C18orf54: variants seen among roughly 807,000 people sequenced by gnomAD.
C18orf54 encodes the protein chromosome 18 open reading frame 54.
Under a neutral mutation model 49.3 loss-of-function variants are expected in C18orf54, and 49 were observed. That is an observed-to-expected ratio of 0.99 (90% confidence interval 0.79 to 1.26). The LOEUF (loss-of-function observed/expected upper bound fraction) is 1.26, where lower values mean the gene tolerates loss of function less well. Among genes scored for constraint, C18orf54 ranks in the 50% most tolerant of loss-of-function variants. The probability of loss-of-function intolerance (pLI) is 0.00; values close to 1 mark genes in which losing one functional copy is unlikely to be tolerated. For missense variants in C18orf54, 687 were observed against 620.6 expected, an observed-to-expected ratio of 1.11 and a Z score of -1.14; for synonymous variants, 211 against 216.6, an observed-to-expected ratio of 0.97 and a Z score of 0.23.
rs1387173205 is a variant in C18orf54 at position 54,379,011 on chromosome 18, G to GAA, written c.*768_*769dup. The GAA allele has an allele frequency of 6.6e-6, 1 of 151,966 alleles. No homozygotes were observed. The allele number at this position is 151,966 out of a possible 1,614,324, so 9.4% of individuals were successfully genotyped here. ...AATTTTGGGGTTGGCTCAAACTAGTGAAAACTATGACTCAATGGCCAATTG... is the reference window on the plus strand; with the variant it reads ...AATTTTGGGGTTGGCTCAAACTAGTGAAAAAACTATGACTCAATGGCCAATTG... On this transcript the variant is annotated 3_prime_UTR_variant, in exon 9 of 9. Transcript: ENST00000620105.
intron 8 of C18orf54, among the ~76,000 whole-genome samples, chr18:54,377,915 C>T (rs1393375542): frequency 6.6e-6 from 1 of 151,988 alleles, no homozygotes; most frequent in Non-Finnish European, 1.5e-5. Flanking sequence ...GGGCACTTGG[C>T]AGACTATCTT....
chr18:54,369,992 AATAAAC>A (rs2089457375), intron 6 of C18orf54, among the ~76,000 whole-genome samples: 1 of 152,126 alleles, frequency 6.6e-6, no homozygotes, highest in Admixed American at 6.6e-5. Flanking sequence ...GGAGAAGAAT[AATAAAC>A]ATAACAATAC....
intron 8 of C18orf54, among the ~76,000 whole-genome samples, chr18:54,377,941 CA>C (rs1215257191): frequency 9.2e-5 from 14 of 152,034 alleles, no homozygotes; most frequent in Admixed American, 9.2e-4. Flanking sequence ...AAGTTAATGT[CA>C]AAAAATATAA....
Position 54,378,253 on chromosome 18 carries a change from A to G in C18orf54, c.*7A>G. 1.9e-6 allele frequency: 3 copies of G among 1,611,040 alleles called. No individual in the cohort carries two copies. In the African/African-American group the frequency reaches 4.0e-5, roughly 21 times the overall value. On this transcript the variant is annotated 3_prime_UTR_variant, in exon 9 of 9. Transcript: ENST00000620105. ...ACGGTCACCGAAAATGTGAAGAGGA[A>G]AATGAAACTGTCACCACAATGAATA...
intron 4 of C18orf54, 124 bp downstream of exon 4, chr18:54,362,555 G>T: frequency 1.1e-6 from 1 of 928,788 alleles, no homozygotes; most frequent in East Asian, 2.7e-5. Context: ...ACATCTTTTT[G>T]GAATGCTTAT....
At position 54,358,813 on chromosome 18, in the gene C18orf54, C is replaced by G. The variant is rs1267492748; in HGVS notation, c.-104C>G. On this transcript the variant is annotated 5_prime_UTR_variant, in exon 2 of 9. Transcript: ENST00000620105. Reference sequence around the variant, plus strand: ...TTGTCAATAAGTTTAACATTCTGTTCTTCCGCGTGATGGATTTTCTTTTGG... The same window carrying G: ...TTGTCAATAAGTTTAACATTCTGTTGTTCCGCGTGATGGATTTTCTTTTGG... 1 of 152,232 alleles carries G rather than the reference C, an allele frequency of 6.6e-6. No homozygotes were observed. The highest frequency in any genetic ancestry group is 1.5e-5 in the Non-Finnish European group (1 of 68,054). 9.4% of individuals were successfully genotyped at this position (152,232 alleles called of 1,614,324 possible).
intron 7 of C18orf54, among the ~76,000 whole-genome samples, chr18:54,373,139 A>G (rs1664300421): frequency 6.6e-6 from 1 of 151,748 alleles, no homozygotes; most frequent in South Asian, 2.1e-4. Context: ...CTGCCATTCT[A>G]TATGATGAAT....
At chr18:54,367,537 G>A (rs1278253399) in intron 6 of C18orf54, among the ~76,000 whole-genome samples, 2 of 29,372 alleles carry the variant, frequency 6.8e-5, no homozygotes, top group African/African-American at 4.5e-4. Flanking sequence ...CCCTTTGAAT[G>A]TATCATCCAT....
intron 7 of C18orf54, 61 bp downstream of exon 7, chr18:54,372,658 C>T (rs2089509416): frequency 6.9e-7 from 1 of 1,448,348 alleles, no homozygotes; most frequent in South Asian, 1.4e-5. Context: ...TTTTTTTCTA[C>T]ATCTTTTAAT....
Position 54,378,465 on chromosome 18 carries a change from C to G in C18orf54, c.*219C>G, listed in dbSNP as rs1036168130. ...TACTAGAATGTGAACTGCAAGGACC[C>G]ACAATATATCCTGAAGTCTTACTTT... On this transcript the variant is annotated 3_prime_UTR_variant, in exon 9 of 9. Transcript: ENST00000620105. 3 of 396,236 alleles carry G rather than the reference C, an allele frequency of 7.6e-6. No homozygotes were observed. Among genetic ancestry groups the G allele is most frequent in the Non-Finnish European group, 1.4e-5 (3 of 221,434 alleles). The allele number at this position is 396,236 out of a possible 1,614,324, so 24.5% of individuals were successfully genotyped here. A position where few individuals can be genotyped will look rare whatever the true frequency, so the allele number is the denominator to read the frequency against.
intron 7 of C18orf54, among the ~76,000 whole-genome samples, chr18:54,373,469 TG>T (rs2144749686): frequency 6.6e-6 from 1 of 151,974 alleles, no homozygotes; most frequent in Admixed American, 6.5e-5. Context: ...TTAGTCACCA[TG>T]TTGTACAATA....
chr18:54,379,068 T>C lies in C18orf54; in HGVS notation c.*822T>C, dbSNP rs894082016. 1.3e-5 allele frequency: 2 copies of C among 152,110 alleles called. No individual in the cohort carries two copies. The highest frequency in any genetic ancestry group is 4.8e-5 in the African/African-American group (2 of 41,448). The allele number at this position is 152,110 out of a possible 1,614,324, so 9.4% of individuals were successfully genotyped here. ...CAAATTTGATAACTAAAACTTAAAA[T>C]GAATATGGAAAATCAGAAAGCAACT... On this transcript the variant is annotated 3_prime_UTR_variant, in exon 9 of 9. Coordinates refer to ENST00000620105, the MANE Select transcript of C18orf54 (RefSeq NM_001288980.2).
At chr18:54,360,503 T>TA in intron 2 of C18orf54, 24 bp from the exon 3 acceptor site, 1 of 1,507,036 alleles carries the variant, frequency 6.6e-7, no homozygotes, top group African/African-American at 1.4e-5. Flanking sequence ...ATTGGCATCT[T>TA]AACATTTCGT....
intron 6 of C18orf54, among the ~76,000 whole-genome samples, chr18:54,370,093 G>A (rs1316663703): frequency 6.6e-6 from 1 of 151,940 alleles, no homozygotes; most frequent in African/African-American, 2.4e-5. Context: ...TGGCTAACAC[G>A]GTGAAACCCT....
chr18:54,365,758 A>G lies in C18orf54; in HGVS notation c.1263A>G (p.Gln421=), dbSNP rs894058111. The G allele has an allele frequency of 1.9e-6, 3 of 1,601,368 alleles. No individual in the cohort carries two copies. Among genetic ancestry groups the G allele is most frequent in the South Asian group, 1.1e-5 (1 of 88,914 alleles). Residue 421 remains glutamine (Q), a synonymous_variant, in exon 6 of 9, where the codon CAA becomes CAG. Coordinates refer to ENST00000620105, the MANE Select transcript of C18orf54 (RefSeq NM_001288980.2). The part of the protein sequence containing the change: ...PVPVNSDDSP[Q]QTSRAKSAKG... Reference sequence around the variant, plus strand: ...CCGTTAACTCTGATGATAGTCCTCAACAAACTTCAAGGGCAAAGAGTGCTA... The same window carrying G: ...CCGTTAACTCTGATGATAGTCCTCAGCAAACTTCAAGGGCAAAGAGTGCTA...
At chr18:54,371,647 T>G (rs2089488060) in intron 6 of C18orf54, among the ~76,000 whole-genome samples, 1 of 152,166 alleles carries the variant, frequency 6.6e-6, no homozygotes, top group Non-Finnish European at 1.5e-5. Context: ...GAAGTGTCTT[T>G]AAAATCTTTT....
chr18:54,363,492 A>G lies in C18orf54; in HGVS notation c.1223+571A>G, dbSNP rs541082723. ...ACCACCATGCCCAGCTAATTTTTGT[A>G]TTTTTAGTAGAGACGGGGTTTCACC... On this transcript the variant is annotated intron_variant, in intron 5 of 8. Transcript: ENST00000620105. Among the ~76,000 whole-genome samples, 3 of 151,804 alleles carry G rather than the reference A, an allele frequency of 2.0e-5. No individual in the cohort carries two copies. The East Asian group carries it at 5.8e-4, about 29-fold the overall frequency.
chr18:54,369,273 C>G (rs1261705626), intron 6 of C18orf54, among the ~76,000 whole-genome samples: 1 of 152,024 alleles, frequency 6.6e-6, no homozygotes, highest in African/African-American at 2.4e-5. Context: ...TGATTCCAGT[C>G]TAATACTGCA....
At chr18:54,360,463 A>T in intron 2 of C18orf54, 64 bp from the exon 3 acceptor site, 3 of 967,184 alleles carry the variant, frequency 3.1e-6, no homozygotes, top group South Asian at 1.7e-5. Flanking sequence ...TTACATATTT[A>T]GTAATTTTGT....
Sources: allele counts gnomAD v4.1 joint callset (sites outside exome capture counted in the v4.1 genomes callset), GRCh38; gene constraint gnomAD v4.1.1; transcripts MANE v1.5; gene names NCBI Gene and HGNC (gene_info 2026-07-23, HGNC 2026-07-21).